The following ABCA7 variants were observed in gnomAD, a reference collection of about 807,000 sequenced individuals.
The protein encoded by ABCA7 is phospholipid-transporting ATPase ABCA7.
Under a neutral mutation model 227.6 loss-of-function variants are expected in ABCA7, and 261 were observed. That is an observed-to-expected ratio of 1.15 (90% CI 1.04 to 1.27). The LOEUF is 1.27. Ranked by LOEUF, ABCA7 falls within the 50% of genes most tolerant of loss-of-function variation. The pLI, the probability that ABCA7 is intolerant of heterozygous loss-of-function variation, is 0.00. For synonymous variants in ABCA7, 1,488 were observed against 1,279.7 expected, an observed-to-expected ratio of 1.16 and a Z score of -3.47; for missense variants, 3,331 against 2,924.5, an observed-to-expected ratio of 1.14 and a Z score of -3.21.
rs764213490 is a variant in ABCA7, at chr19:1,054,250, A to G, written c.3635A>G (p.Gln1212Arg). ...GSGPDAVGRV[Q>R]GWALTRQQLQ... ...GGGCCAGACGCCGTGGGCCGGGTAC[A>G]GGGCTGGGCACTGACCCGCCAGCAG... is the stretch of plus-strand genomic sequence containing the variant. The change falls in exon 27 of 47, where the codon CAG (glutamine) becomes CGG (arginine). Residue 1212 changes from glutamine (Q) to arginine (R), a missense_variant. Physicochemically the swap from Gln to Arg is conservative, Grantham distance 43. Transcript: ENST00000263094. This position sits in a 1 kb window ranked among gnomAD's most constrained non-coding sequence, Gnocchi z 4.8. 6.2e-7 allele frequency: 1 copy of G among 1,609,016 alleles called. No homozygotes were observed. Among genetic ancestry groups the G allele is most frequent in the Admixed American group, 1.7e-5 (1 of 59,868 alleles).
intron 45 of ABCA7, chr19:1,064,726 TA>T: frequency 1.2e-6 from 1 of 855,164 alleles, no homozygotes; most frequent in Non-Finnish European, 1.7e-6. Flanking sequence ...ATAAAAAATT[TA>T]AAAATTAGCT....
Position 1,056,318 on chromosome 19 carries a change from A to AC in ABCA7, c.4417-7dup, listed in dbSNP as rs60622178. On this transcript the variant is annotated splice_polypyrimidine_tract_variant and intron_variant, in intron 32 of 46. Transcript: ENST00000263094. The surrounding 1 kb of genome is among the most constrained non-coding windows in gnomAD (Gnocchi z 4.3). The stretch of plus-strand genomic sequence containing the variant: ...CCATTGCTCTGACCCTATGACCTTG[A>AC]CCCCCACCCAGATCTGGTTCAACAA... 1 of 1,610,716 alleles carries AC rather than the reference A, an allele frequency of 6.2e-7. No homozygotes were observed. The highest frequency in any genetic ancestry group is 8.5e-7 in the Non-Finnish European group (1 of 1,179,024).
At position 1,061,654 on chromosome 19, in the gene ABCA7, G is replaced by A. The variant is rs917004447; in HGVS notation, c.5464-128G>A. The A allele has an allele frequency of 1.4e-5, 11 of 810,832 alleles. 1 individual carries two copies. Among genetic ancestry groups the A allele is most frequent in the African/African-American group, 1.3e-4 (7 of 54,490 alleles). The allele number at this position is 810,832 out of a possible 1,614,324, so 50.2% of individuals were successfully genotyped here. On this transcript the variant is annotated intron_variant, in intron 40 of 46. Transcript: ENST00000263094. ...GCAGAGGTTGCAGTGAGCCAAGATC[G>A]CACCACTGCAGTCCAGCCTGGGAAA...
At chr19:1,047,738 TGGGGGTG>T in intron 16 of ABCA7, 84 bp downstream of exon 16, 1 of 1,072,742 alleles carries the variant, frequency 9.3e-7, no homozygotes, top group Non-Finnish European at 1.2e-6. Flanking sequence ...CCAGGCCGTT[TGGGGGTG>T]GGGGGTGGCT....
chr19:1,051,606 C>G lies in ABCA7; in HGVS notation c.2962+20C>G, dbSNP rs773563551. ...GAGAAGGTAAGAGCTGGGGATTCTG[C>G]TCGAGGGGCCAGAAAAGGCTTCTGA... On this transcript the variant is annotated intron_variant, in intron 21 of 46. Transcript: ENST00000263094. 3.1e-6 allele frequency: 5 copies of G among 1,599,732 alleles called. No individual in the cohort carries two copies. In the Admixed American group the frequency reaches 8.5e-5, roughly 27 times the overall value.
At chr19:1,044,834 G>A (rs1447143690) in intron 11 of ABCA7, 90 bp downstream of exon 11, 12 of 1,489,330 alleles carry the variant, frequency 8.1e-6, no homozygotes, top group African/African-American at 1.4e-5. Context: ...AGGGGGAGGC[G>A]GGCCCGGCCC....
rs1312091275 is a variant in ABCA7 at position 1,046,736 on chromosome 19, A to C, written c.1623-66A>C. The C allele has an allele frequency of 2.7e-6, 4 of 1,461,186 alleles. No individual in the cohort carries two copies. The Admixed American group carries it at 8.0e-5, about 29-fold the overall frequency. 90.5% of individuals were successfully genotyped at this position (1,461,186 alleles called of 1,614,324 possible). ...TCCCGGGACACGAACCAGTCGTGCC[A>C]GATGGTGGGCGGAGGGGGGGTCTGC... On this transcript the variant is annotated intron_variant, in intron 13 of 46. Coordinates refer to ENST00000263094, the MANE Select transcript of ABCA7 (RefSeq NM_019112.4).
chr19:1,041,610 C>A lies in ABCA7; in HGVS notation c.160+7C>A. 6.2e-7 allele frequency: 1 copy of A among 1,610,680 alleles called. No homozygotes were observed. Among genetic ancestry groups the A allele is most frequent in the Non-Finnish European group, 8.5e-7 (1 of 1,179,484 alleles). Reference sequence around the variant, plus strand: ...CCCCTGGAGCACCATGAATGTGAGCCCCCCCAGGGACCAGGCACTTTGTGT... The same window carrying A: ...CCCCTGGAGCACCATGAATGTGAGCACCCCCAGGGACCAGGCACTTTGTGT... On this transcript the variant is annotated splice_region_variant and intron_variant, in intron 3 of 46. Coordinates refer to ENST00000263094, the MANE Select transcript of ABCA7 (RefSeq NM_019112.4).
intron 11 of ABCA7, 79 bp downstream of exon 11, chr19:1,044,823 C>T: frequency 1.3e-6 from 2 of 1,513,470 alleles, no homozygotes; most frequent in South Asian, 2.5e-5. Context: ...CTGGTGTTCC[C>T]AGGGGGAGGC....
In ABCA7 at chr19:1,041,865, C is replaced by T; in HGVS notation, c.195C>T (p.Gly65=). The change falls in exon 4 of 47, where the codon GGC becomes GGT. Residue 65 remains glycine (G), a synonymous_variant. Coordinates refer to ENST00000263094, the MANE Select transcript of ABCA7 (RefSeq NM_019112.4). ...HFPNKPLPSA[G]TVPWLQGLIC... ...CAAACAAGCCACTGCCATCGGCGGG[C>T]ACCGTGCCCTGGCTCCAGGGTCTCA... The T allele has an allele frequency of 1.3e-6, 2 of 1,597,722 alleles. No homozygotes were observed. Among genetic ancestry groups the T allele is most frequent in the Non-Finnish European group, 8.5e-7 (1 of 1,176,786 alleles).
At position 1,053,522 on chromosome 19, in the gene ABCA7, C is replaced by T. The variant is rs745694422; in HGVS notation, c.3414C>T (p.Ser1138=). The T allele has an allele frequency of 1.9e-6, 3 of 1,564,746 alleles. No individual in the cohort carries two copies. Among genetic ancestry groups the T allele is most frequent in the Non-Finnish European group, 2.6e-6 (3 of 1,160,160 alleles). Reference sequence around the variant, plus strand: ...CTGGCTACGGGATCTCCGACACCAGCCTCGAGGAGGTGTGAGGCCTGGGTG... The same window carrying T: ...CTGGCTACGGGATCTCCGACACCAGTCTCGAGGAGGTGTGAGGCCTGGGTG... The part of the protein sequence containing the change: ...RLTGYGISDT[S]LEEIFLKVVE... Residue 1138 remains serine (S), a synonymous_variant, in exon 24 of 47, where the codon AGC becomes AGT. Coordinates refer to ENST00000263094, the MANE Select transcript of ABCA7 (RefSeq NM_019112.4).
rs4147915 is a variant in ABCA7, at chr19:1,049,306, C to A, written c.2421C>A (p.Val807=). ...CACCGCCCGGCCTGAGTCCTGGCGT[C>A]TCCGTTCGCAGCCTGGAGAAGCGCT... ...EEAPPGLSPG[V]SVRSLEKRFP... The change falls in exon 18 of 47, where the codon GTC becomes GTA. Residue 807 remains valine, a synonymous_variant. Coordinates refer to ENST00000263094, the MANE Select transcript of ABCA7 (RefSeq NM_019112.4). The A allele has an allele frequency of 0.15, 248,536 of 1,610,930 alleles. 21,414 individuals are homozygous for A. The highest frequency in any genetic ancestry group is 0.35 in the East Asian group (15,634 of 44,810).
chr19:1,065,231 G>T, intron 46 of ABCA7, 39 bp from the exon 47 acceptor site: 1 of 1,608,428 alleles, frequency 6.2e-7, no homozygotes, highest in Non-Finnish European at 8.5e-7. Context: ...CCCGTGGGCT[G>T]ACCGTCCCTC....
In ABCA7 at chr19:1,047,300, C is replaced by T; in HGVS notation, c.1989C>T (p.Ala663=). 6.2e-7 allele frequency: 1 copy of T among 1,604,522 alleles called. No individual in the cohort carries two copies. Among genetic ancestry groups the T allele is most frequent in the South Asian group, 1.1e-5 (1 of 90,804 alleles). The stretch of plus-strand genomic sequence containing the variant: ...TGGCTGCGGCCTGCGGCGGCCTGGC[C>T]TACTTCTCCCTCTACCTGCCCTACG... ...ANLAAACGGL[A]YFSLYLPYVL... Residue 663 remains alanine (A), a synonymous_variant, in exon 15 of 47, where the codon GCC becomes GCT. Transcript: ENST00000263094.
chr19:1,044,943 G>A (rs531555427), intron 11 of ABCA7, 59 bp from the exon 12 acceptor site: 29 of 1,579,116 alleles, frequency 1.8e-5, no homozygotes, highest in African/African-American at 1.5e-4. Context: ...GGGGAGGAGC[G>A]GAGTGGTCTA....
At chr19:1,046,097 G>C in intron 12 of ABCA7, 133 bp from the exon 13 acceptor site, 1 of 1,043,990 alleles carries the variant, frequency 9.6e-7, no homozygotes, top group Non-Finnish European at 1.4e-6. Context: ...AGGCTGCAGT[G>C]AGCTATGATT....
At chr19:1,060,207 A>ATATATATATATTTTTTTTT in intron 40 of ABCA7, among the ~76,000 whole-genome samples, 5 of 96,770 alleles carry the variant, frequency 5.2e-5, no homozygotes, top group African/African-American at 1.7e-4. Flanking sequence ...ATATATATAT[A>ATATATATATATTTTTTTTT]TTTTTTTTTC....
intron 40 of ABCA7, among the ~76,000 whole-genome samples, chr19:1,060,207 A>ATATATTTTTTTTT: frequency 2.1e-5 from 2 of 96,768 alleles, no homozygotes; most frequent in African/African-American, 7.0e-5. Flanking sequence ...ATATATATAT[A>ATATATTTTTTTTT]TTTTTTTTTC....
At position 1,045,251 on chromosome 19, in the gene ABCA7, G is replaced by T. The variant is rs760867607; in HGVS notation, c.1445+20G>T. On this transcript the variant is annotated intron_variant, in intron 12 of 46. Transcript: ENST00000263094. Reference sequence around the variant, plus strand: ...GGACAGGTCAGGCGAGGGAGGGGGCGGGGGGATGAGGGACTGGGCGGGGCC... The same window carrying T: ...GGACAGGTCAGGCGAGGGAGGGGGCTGGGGGATGAGGGACTGGGCGGGGCC... The T allele has an allele frequency of 1.3e-6, 2 of 1,561,232 alleles. No individual in the cohort carries two copies. Among genetic ancestry groups the T allele is most frequent in the South Asian group, 2.2e-5 (2 of 89,760 alleles).
Sources: allele counts gnomAD v4.1 joint callset (sites outside exome capture counted in the v4.1 genomes callset), GRCh38; gene constraint gnomAD v4.1.1; non-coding constraint Gnocchi (gnomAD v3.1); transcripts MANE v1.5; gene names NCBI Gene and HGNC (gene_info 2026-07-23, HGNC 2026-07-21).